DENND2B: variants seen among roughly 807,000 people sequenced by gnomAD.
DENND2B encodes the protein DENN domain-containing protein 2B.
A neutral mutation model predicts 116.0 loss-of-function variants in DENND2B; 32 were observed. That is an observed-to-expected ratio of 0.28 (90% CI 0.21 to 0.37). DENND2B has a LOEUF of 0.37. Ranked by LOEUF, DENND2B falls within the 10% of genes least tolerant of loss-of-function variation. The pLI, the probability that DENND2B is intolerant of heterozygous loss-of-function variation, is 1.00. For synonymous variants in DENND2B, 588 were observed against 583.9 expected (o/e 1.01, Z -0.10); for missense variants, 1,276 against 1,477.7 (o/e 0.86, Z 2.24).
intron 1 of DENND2B, chr11:8,808,741 T>C (rs2061106334): frequency 6.6e-6 from 1 of 152,176 alleles, no homozygotes. Context: ...GTTATCCCAC[T>C]GGCTCCTCCC....
chr11:8,804,541 C>G (rs2060655533), intron 1 of DENND2B, among the ~76,000 whole-genome samples: 1 of 52,846 alleles, frequency 1.9e-5, no homozygotes, highest in Admixed American at 3.1e-4. Flanking sequence ...AAAATAGCAG[C>G]TACTTCTTTT....
intron 14 of DENND2B, among the ~76,000 whole-genome samples, chr11:8,700,209 TTTG>T (rs2133702867): frequency 6.6e-6 from 1 of 152,216 alleles, no homozygotes; most frequent in East Asian, 1.9e-4. Flanking sequence ...AGTCAGGGGC[TTTG>T]TTGGCTGACA....
chr11:8,817,129 C>T (rs1038166684), intron 4 of DENND2B, among the ~76,000 whole-genome samples: 12 of 152,172 alleles, frequency 7.9e-5, no homozygotes, highest in Non-Finnish European at 1.5e-4. Context: ...GACTAAGGCT[C>T]CTGCTGAGGT....
chr11:8,865,327 C>T (rs943912548), intron 2 of DENND2B, among the ~76,000 whole-genome samples: 1 of 152,108 alleles, frequency 6.6e-6, no homozygotes, highest in African/African-American at 2.4e-5. Context: ...TCCACAATTA[C>T]TTATGCTGAT....
At chr11:8,884,324 G>T (rs11042107) in intron 1 of DENND2B, among the ~76,000 whole-genome samples, 28,384 of 149,694 alleles carry the variant, frequency 0.19, 2,772 homozygotes, top group East Asian at 0.31. Flanking sequence ...TTGTTTTTTT[G>T]TTGTTGTTGT....
At chr11:8,696,175 C>G (rs2063108507) in intron 18 of DENND2B, among the ~76,000 whole-genome samples, 1 of 152,298 alleles carries the variant, frequency 6.6e-6, no homozygotes, top group East Asian at 1.9e-4. Context: ...GGGTGGGCAA[C>G]CAATGGCATG....
At chr11:8,754,892 T>C (rs573555992) in intron 1 of DENND2B, among the ~76,000 whole-genome samples, 11 of 152,234 alleles carry the variant, frequency 7.2e-5, no homozygotes, top group Non-Finnish European at 1.0e-4. Flanking sequence ...ACATGGCTGA[T>C]AGGAGTACGG....
chr11:8,885,009 G>C (rs962924953), intron 1 of DENND2B, among the ~76,000 whole-genome samples: 131 of 152,192 alleles, frequency 8.6e-4, no homozygotes, highest in Non-Finnish European at 1.0e-3. Context: ...CCCAACTCTG[G>C]ATATTTGCTC....
chr11:8,755,861 T>C (rs34524863), intron 1 of DENND2B, among the ~76,000 whole-genome samples: 43,323 of 152,160 alleles, frequency 0.28, 6,641 homozygotes, highest in Middle Eastern at 0.43. Context: ...AAGTCAATCT[T>C]GCCCCCAGGG....
At chr11:8,709,366 C>G (rs1219747520) in intron 11 of DENND2B, among the ~76,000 whole-genome samples, 1 of 152,200 alleles carries the variant, frequency 6.6e-6, no homozygotes, top group East Asian at 1.9e-4. Context: ...GCCCCCTTGG[C>G]AGAGACCCAG....
intron 3 of DENND2B, among the ~76,000 whole-genome samples, chr11:8,847,502 G>A: frequency 6.6e-6 from 1 of 152,080 alleles, no homozygotes; most frequent in South Asian, 2.1e-4. Flanking sequence ...AACTATGAAA[G>A]AAAGATCAGT....
chr11:8,874,226 G>C (rs898587063), upstream of DENND2B, among the ~76,000 whole-genome samples: 1 of 152,210 alleles, frequency 6.6e-6, no homozygotes, highest in African/African-American at 2.4e-5. Flanking sequence ...TTTAGAAGCA[G>C]TAGCTTTGGT....
At chr11:8,700,573 G>A (rs563878403) in intron 14 of DENND2B, among the ~76,000 whole-genome samples, 1 of 152,228 alleles carries the variant, frequency 6.6e-6, no homozygotes, top group East Asian at 1.9e-4. Context: ...AGGGATTCAG[G>A]ACTTATTGGA....
chr11:8,754,027 G>GCACACACACACACACA (rs1555169735), intron 1 of DENND2B, among the ~76,000 whole-genome samples: 2 of 11,584 alleles, frequency 1.7e-4, no homozygotes, highest in African/African-American at 2.8e-4. Context: ...CACCAAAAGC[G>GCACACACACACACACA]CGCACACACA....
At chr11:8,698,867 T>C in intron 16 of DENND2B, 66 bp downstream of exon 16, 2 of 1,575,706 alleles carry the variant, frequency 1.3e-6, no homozygotes, top group Non-Finnish European at 1.7e-6. Context: ...TTGTGAAGGT[T>C]GAGTAGTGTG....
chr11:8,769,488 G>C (rs2056484589), intron 1 of DENND2B, among the ~76,000 whole-genome samples: 1 of 151,986 alleles, frequency 6.6e-6, no homozygotes, highest in Non-Finnish European at 1.5e-5. Flanking sequence ...TCGAACTCCT[G>C]ACCTCAACTG....
At chr11:8,825,093 T>G (rs979300514) in intron 4 of DENND2B, among the ~76,000 whole-genome samples, 2 of 152,186 alleles carry the variant, frequency 1.3e-5, no homozygotes, top group Non-Finnish European at 2.9e-5. Context: ...CTTTGAGGTA[T>G]CGCAACACTG....
intron 4 of DENND2B, among the ~76,000 whole-genome samples, chr11:8,719,807 G>A (rs999407657): frequency 9.2e-5 from 14 of 152,198 alleles, no homozygotes; most frequent in African/African-American, 3.4e-4. Flanking sequence ...ACGGCAGGGA[G>A]AACATTTATG....
intron 1 of DENND2B, among the ~76,000 whole-genome samples, chr11:8,884,316 G>GTTT (rs1343247269): frequency 6.7e-6 from 1 of 149,778 alleles, no homozygotes; most frequent in Non-Finnish European, 1.5e-5. Context: ...GACTTCCTTT[G>GTTT]TTTTTTTGTT....
Sources: gnomAD v4.1 joint callset for allele counts (sites outside exome capture counted in the v4.1 genomes callset) on GRCh38, gnomAD v4.1.1 for gene constraint, MANE v1.5 for transcripts, NCBI Gene and HGNC (gene_info 2026-07-23, HGNC 2026-07-21) for gene names.